NRXN1: variants seen among roughly 807,000 people sequenced by gnomAD.
NRXN1 encodes neurexin 1, also known as neurexin-1.
Under a neutral mutation model 150.9 loss-of-function variants are expected in NRXN1, and 39 were observed. That is an observed-to-expected ratio of 0.26 (90% CI 0.20 to 0.34). NRXN1 has a LOEUF of 0.34. Among genes scored for constraint, NRXN1 ranks in the 10% least tolerant of loss-of-function variants. The probability of loss-of-function intolerance (pLI) is 1.00; values close to 1 mark genes in which losing one functional copy is unlikely to be tolerated. For missense variants in NRXN1, 1,815 were observed against 1,949.9 expected, an observed-to-expected ratio of 0.93 and a Z score of 1.30; for synonymous variants, 924 against 757.0, an observed-to-expected ratio of 1.22 and a Z score of -3.62.
intron 17 of NRXN1, among the ~76,000 whole-genome samples, chr2:50,315,268 C>T (rs748842217): frequency 1.3e-5 from 2 of 151,882 alleles, no homozygotes; most frequent in Non-Finnish European, 2.9e-5. Context: ...CAGAATCAAG[C>T]GAAACTGAAC....
chr2:50,977,219 T>C (rs1354632760), intron 2 of NRXN1, among the ~76,000 whole-genome samples: 2 of 151,918 alleles, frequency 1.3e-5, no homozygotes, highest in Admixed American at 6.6e-5. Flanking sequence ...ACATTCATTA[T>C]ATAATTTTGA....
chr2:50,669,385 A>T lies in NRXN1; in HGVS notation c.833-45770T>A, dbSNP rs534957474. Among the ~76,000 whole-genome samples, 22 of 152,136 alleles carry T rather than the reference A, an allele frequency of 1.4e-4. 1 individual carries two copies. The South Asian group carries it at 4.1e-3, about 29-fold the overall frequency. ...TAATTTTTCCTGAAATACTCATTGC[A>T]ATAGAAATAAATAGCAATATCAAAA... is the stretch of plus-strand genomic sequence containing the variant. On this transcript the variant is annotated intron_variant, in intron 5 of 22. Transcript: ENST00000401669.
At chr2:49,969,233 C>A (rs1047686444) in intron 21 of NRXN1, among the ~76,000 whole-genome samples, 1 of 151,972 alleles carries the variant, frequency 6.6e-6, no homozygotes, top group Non-Finnish European at 1.5e-5. Context: ...CACTACAAAT[C>A]TAAAGAGTAG....
At chr2:50,021,462 CAA>C (rs1156568285) in intron 21 of NRXN1, among the ~76,000 whole-genome samples, 9 of 152,102 alleles carry the variant, frequency 5.9e-5, no homozygotes, top group Non-Finnish European at 1.3e-4. Flanking sequence ...TTATCTTGGA[CAA>C]AGAGAATTTT....
At chr2:50,125,506 G>T (rs1478008495) in intron 18 of NRXN1, among the ~76,000 whole-genome samples, 1 of 151,986 alleles carries the variant, frequency 6.6e-6, no homozygotes, top group Non-Finnish European at 1.5e-5. Flanking sequence ...TCTTTTTCAA[G>T]AATTTTTTTC....
At chr2:50,256,304 T>C (rs2067694982) in intron 17 of NRXN1, among the ~76,000 whole-genome samples, 1 of 152,142 alleles carries the variant, frequency 6.6e-6, no homozygotes, top group Non-Finnish European at 1.5e-5. Context: ...CCATTAAACA[T>C]ATTTAGCATT....
chr2:50,710,734 G>A (rs974243606), intron 5 of NRXN1, among the ~76,000 whole-genome samples: 7 of 152,048 alleles, frequency 4.6e-5, no homozygotes, highest in Non-Finnish European at 8.8e-5. Context: ...GAGCACACAG[G>A]GCAGAGCTGA....
At chr2:49,924,780 C>T (rs1001001323) in intron 22 of NRXN1, among the ~76,000 whole-genome samples, 2 of 152,068 alleles carry the variant, frequency 1.3e-5, no homozygotes, top group East Asian at 1.9e-4. Context: ...AAAATCTCTA[C>T]CAAAATTAAA....
intron 5 of NRXN1, among the ~76,000 whole-genome samples, chr2:50,819,783 A>G (rs1198828784): frequency 6.6e-6 from 1 of 152,090 alleles, no homozygotes; most frequent in African/African-American, 2.4e-5. Context: ...TCACCCCATC[A>G]TTAAAAAAAG....
intron 17 of NRXN1, among the ~76,000 whole-genome samples, chr2:50,344,625 A>G (rs998422837): frequency 6.6e-6 from 1 of 152,194 alleles, no homozygotes. Context: ...TCACATGCAG[A>G]GACAATCACT....
At chr2:50,291,195 C>T (rs1459249358) in intron 17 of NRXN1, among the ~76,000 whole-genome samples, 1 of 150,914 alleles carries the variant, frequency 6.6e-6, no homozygotes, top group East Asian at 1.9e-4. Context: ...CATTGGCTCA[C>T]GTGCTTCCCA....
chr2:50,992,147 G>A (rs576000517), intron 2 of NRXN1, among the ~76,000 whole-genome samples: 1 of 151,894 alleles, frequency 6.6e-6, no homozygotes, highest in African/African-American at 2.4e-5. Flanking sequence ...ATTCATAAAG[G>A]TCTCCTCCAA....
intron 17 of NRXN1, among the ~76,000 whole-genome samples, chr2:50,421,769 T>G (rs2084018327): frequency 6.6e-6 from 1 of 152,144 alleles, no homozygotes; most frequent in Non-Finnish European, 1.5e-5. Context: ...AGTGATAAAC[T>G]AGTCATCCAT....
intron 18 of NRXN1, among the ~76,000 whole-genome samples, chr2:50,227,049 C>T (rs1027701738): frequency 1.3e-5 from 2 of 151,676 alleles, no homozygotes; most frequent in Non-Finnish European, 2.9e-5. Flanking sequence ...CGGCATCATG[C>T]TGTTCAGTAT....
At chr2:50,658,521 T>C (rs1686835345) in intron 5 of NRXN1, among the ~76,000 whole-genome samples, 1 of 151,658 alleles carries the variant, frequency 6.6e-6, no homozygotes, top group Non-Finnish European at 1.5e-5. Flanking sequence ...AATATAATTG[T>C]CACTTTTGCA....
intron 5 of NRXN1, among the ~76,000 whole-genome samples, chr2:50,738,895 A>C (rs1219882827): frequency 6.6e-6 from 1 of 152,156 alleles, no homozygotes; most frequent in Non-Finnish European, 1.5e-5. Context: ...GCATAGCAAG[A>C]AGAGTTCTGG....
At chr2:50,825,541 A>G (rs931821671) in intron 5 of NRXN1, among the ~76,000 whole-genome samples, 1 of 152,234 alleles carries the variant, frequency 6.6e-6, no homozygotes, top group Non-Finnish European at 1.5e-5. Context: ...GCTTCCTGAC[A>G]GCTGAACATG....
At chr2:50,466,356 G>A in intron 16 of NRXN1, 1 of 347,942 alleles carries the variant, frequency 2.9e-6, no homozygotes, top group South Asian at 1.9e-5. Context: ...AATGAAATCT[G>A]AACCCAAATA....
chr2:50,949,316 T>C (rs1690910633), intron 2 of NRXN1, among the ~76,000 whole-genome samples: 1 of 152,094 alleles, frequency 6.6e-6, no homozygotes, highest in South Asian at 2.1e-4. Context: ...TTGCTGGTTT[T>C]AAATGTGTCT....
Sources: allele counts gnomAD v4.1 joint callset (sites outside exome capture counted in the v4.1 genomes callset), GRCh38; gene constraint gnomAD v4.1.1; transcripts MANE v1.5; gene names NCBI Gene and HGNC (gene_info 2026-07-23, HGNC 2026-07-21).